MRPL48: variants seen among roughly 807,000 people sequenced by gnomAD.
The protein encoded by MRPL48 is mitochondrial ribosomal protein L48, also known as large ribosomal subunit protein mL48.
MRPL48 carries 16 observed loss-of-function variants against 32.9 expected under a neutral mutation model. That is an observed-to-expected ratio of 0.49 (90% CI 0.33 to 0.74). The LOEUF is 0.74. Ranked by LOEUF, MRPL48 falls within the 30% of genes least tolerant of loss-of-function variation. MRPL48 has a pLI of 0.02. For missense variants in MRPL48, 206 were observed against 245.3 expected (o/e 0.84, Z 1.07); for synonymous variants, 94 against 89.2 (o/e 1.05, Z -0.31).
At chr11:73,791,572 G>A (rs781216971) in intron 1 of MRPL48, among the ~76,000 whole-genome samples, 3 of 151,796 alleles carry the variant, frequency 2.0e-5, no homozygotes, top group Non-Finnish European at 2.9e-5. Flanking sequence ...ACATGCCACC[G>A]TGCCTGGCTA....
intron 3 of MRPL48, among the ~76,000 whole-genome samples, chr11:73,814,613 T>C (rs71479551): frequency 0.31 from 47,258 of 151,512 alleles, 7,756 homozygotes; most frequent in African/African-American, 0.43. Context: ...GAGAATTGCT[T>C]GAACCTGGGA....
chr11:73,832,527 T>A (rs1948014960), intron 4 of MRPL48: 1 of 154,182 alleles, frequency 6.5e-6, no homozygotes, highest in African/African-American at 2.4e-5. Flanking sequence ...GGTCTTCCTC[T>A]ATTGGGGATG....
intron 3 of MRPL48, among the ~76,000 whole-genome samples, chr11:73,818,304 TAGAC>T (rs1438498777): frequency 1.3e-5 from 2 of 152,046 alleles, no homozygotes; most frequent in Admixed American, 1.3e-4. Flanking sequence ...TTAAAAATAA[TAGAC>T]AGATAGAAGT....
intron 1 of MRPL48, among the ~76,000 whole-genome samples, chr11:73,794,567 A>G (rs559657139): frequency 2.6e-5 from 4 of 151,942 alleles, no homozygotes; most frequent in Non-Finnish European, 5.9e-5. Context: ...GGAAAAAAAA[A>G]AAAAATTTAA....
At chr11:73,841,469 G>C (rs1948184195) in intron 4 of MRPL48, among the ~76,000 whole-genome samples, 1 of 152,210 alleles carries the variant, frequency 6.6e-6, no homozygotes, top group Non-Finnish European at 1.5e-5. Flanking sequence ...GAGAAGGAAA[G>C]AATTGCCATT....
chr11:73,791,236 C>T (rs1947146524), intron 1 of MRPL48, among the ~76,000 whole-genome samples: 1 of 151,752 alleles, frequency 6.6e-6, no homozygotes, highest in African/African-American at 2.4e-5. Flanking sequence ...TGATAATATT[C>T]TTGATTTTCC....
intron 2 of MRPL48, 118 bp downstream of exon 2, chr11:73,805,197 C>G (rs908272753): frequency 1.6e-5 from 13 of 789,828 alleles, no homozygotes; most frequent in Non-Finnish European, 2.6e-5. Context: ...ATGCATCTCC[C>G]CTGCCACCTT....
In MRPL48 at chr11:73,805,191, A is replaced by G. The variant is rs189916812; in HGVS notation, c.74+112A>G. 1.1e-5 allele frequency: 9 copies of G among 848,456 alleles called. No individual in the cohort carries two copies. In the East Asian group the frequency reaches 2.5e-4, roughly 23 times the overall value. 52.6% of individuals were successfully genotyped at this position (848,456 alleles called of 1,614,324 possible). A position where few individuals can be genotyped will look rare whatever the true frequency, so the allele number is the denominator to read the frequency against. Reference sequence around the variant, plus strand: ...TTGCATGTCTATAAGCACATCATGCATCTCCCCTGCCACCTTGCTCCTTCC... The same window carrying G: ...TTGCATGTCTATAAGCACATCATGCGTCTCCCCTGCCACCTTGCTCCTTCC... On this transcript the variant is annotated intron_variant, in intron 2 of 7. Transcript: ENST00000310614.
At chr11:73,862,685 G>A (rs1565115115) in intron 6 of MRPL48, among the ~76,000 whole-genome samples, 1 of 152,172 alleles carries the variant, frequency 6.6e-6, no homozygotes, top group Non-Finnish European at 1.5e-5. Context: ...GGAGGCCAAA[G>A]TGGAAGGATT....
At chr11:73,788,403 G>C (rs1947084304) in intron 1 of MRPL48, among the ~76,000 whole-genome samples, 1 of 151,502 alleles carries the variant, frequency 6.6e-6, no homozygotes, top group African/African-American at 2.4e-5. Flanking sequence ...TTGCTGAACT[G>C]ATGAGGATGT....
chr11:73,807,057 A>G (rs992653825), intron 2 of MRPL48, among the ~76,000 whole-genome samples: 1 of 151,978 alleles, frequency 6.6e-6, no homozygotes, highest in Non-Finnish European at 1.5e-5. Flanking sequence ...TTTAGTAGAG[A>G]TGGGGTTTCA....
At chr11:73,863,370 G>A in intron 7 of MRPL48, 109 bp downstream of exon 7, 1 of 922,246 alleles carries the variant, frequency 1.1e-6, no homozygotes, top group Non-Finnish European at 1.6e-6. Flanking sequence ...TGTGGATAAT[G>A]TGACCTAAAT....
Position 73,864,679 on chromosome 11 carries a change from A to C in MRPL48, c.*309A>C. On this transcript the variant is annotated 3_prime_UTR_variant, in exon 8 of 8. Transcript: ENST00000310614. ...CTTTAAGAGATTCTATATTCTGGCCAGGCACCGTGGTGCATCCCTGTAATC... is the reference window on the plus strand; with the variant it reads ...CTTTAAGAGATTCTATATTCTGGCCCGGCACCGTGGTGCATCCCTGTAATC... 1 of 342,562 alleles carries C rather than the reference A, an allele frequency of 2.9e-6. No individual in the cohort carries two copies. The highest frequency in any genetic ancestry group is 5.5e-6 in the Non-Finnish European group (1 of 183,294). The allele number at this position is 342,562 out of a possible 1,614,324, so 21.2% of individuals were successfully genotyped here. A position where few individuals can be genotyped will look rare whatever the true frequency, so the allele number is the denominator to read the frequency against.
At chr11:73,849,784 G>A (rs1274505939) in intron 5 of MRPL48, among the ~76,000 whole-genome samples, 2 of 152,156 alleles carry the variant, frequency 1.3e-5, no homozygotes, top group Non-Finnish European at 2.9e-5. Context: ...AATAGTAAGT[G>A]AAGTATATGT....
At position 73,840,975 on chromosome 11, in the gene MRPL48, T is replaced by C. The variant is rs1590986565; in HGVS notation, c.202-3832T>C. Among the ~76,000 whole-genome samples the C allele has an allele frequency of 2.6e-5, 4 of 152,088 alleles. No homozygotes were observed. The East Asian group carries it at 7.7e-4, about 29-fold the overall frequency. ...CAGTTTTTAAAATGAGCAAAATACT[T>C]GAATAGGCAGATTACAAAAGATAGT... On this transcript the variant is annotated intron_variant, in intron 4 of 7. Coordinates refer to ENST00000310614, the MANE Select transcript of MRPL48 (RefSeq NM_016055.6).
chr11:73,839,986 T>G (rs1948160984), intron 4 of MRPL48, among the ~76,000 whole-genome samples: 1 of 151,530 alleles, frequency 6.6e-6, no homozygotes, highest in African/African-American at 2.4e-5. Context: ...TAGTCCCAGA[T>G]ACTTGGGAGG....
At chr11:73,846,708 C>A in intron 5 of MRPL48, among the ~76,000 whole-genome samples, 1 of 151,288 alleles carries the variant, frequency 6.6e-6, no homozygotes, top group South Asian at 2.1e-4. Flanking sequence ...TCTCTCCCAC[C>A]CAGCCTGGTA....
chr11:73,804,118 CA>C (rs1275249347), intron 1 of MRPL48, among the ~76,000 whole-genome samples: 2 of 151,942 alleles, frequency 1.3e-5, no homozygotes, highest in Non-Finnish European at 2.9e-5. Flanking sequence ...CGTGGTTTCA[CA>C]ATCTTGGCCG....
At chr11:73,825,092 T>C (rs1947859462) in intron 3 of MRPL48, among the ~76,000 whole-genome samples, 1 of 152,226 alleles carries the variant, frequency 6.6e-6, no homozygotes, top group South Asian at 2.1e-4. Flanking sequence ...CATTTCTCTG[T>C]TACGTATGCT....
Sources: gnomAD v4.1 joint callset for allele counts (sites outside exome capture counted in the v4.1 genomes callset) on GRCh38, gnomAD v4.1.1 for gene constraint, MANE v1.5 for transcripts, NCBI Gene and HGNC (gene_info 2026-07-23, HGNC 2026-07-21) for gene names.